The following NECAB2 variants were observed in gnomAD, a reference collection of about 807,000 sequenced individuals.
The protein encoded by NECAB2 is N-terminal EF-hand calcium-binding protein 2.
Under a neutral mutation model 51.9 loss-of-function variants are expected in NECAB2, and 68 were observed. The observed-to-expected ratio is 1.31, with a 90% CI of 1.08 to 1.60. The LOEUF (loss-of-function observed/expected upper bound fraction) is 1.60, where lower values mean the gene tolerates loss of function less well. NECAB2 is among the 40% of genes most tolerant of loss of function. The pLI, the probability that NECAB2 is intolerant of heterozygous loss-of-function variation, is 0.00. For missense variants in NECAB2, 854 were observed against 490.3 expected, an observed-to-expected ratio of 1.74 and a Z score of -7.00; for synonymous variants, 329 against 203.5, an observed-to-expected ratio of 1.62 and a Z score of -5.25.
intron 5 of NECAB2, among the ~76,000 whole-genome samples, chr16:83,987,414 T>C (rs573828315): frequency 6.6e-6 from 1 of 152,346 alleles, no homozygotes; most frequent in South Asian, 2.1e-4. Context: ...ATATAGACTT[T>C]TGTTACAGTA....
At chr16:83,986,533 G>C (rs1215528678) in intron 5 of NECAB2, among the ~76,000 whole-genome samples, 3 of 152,120 alleles carry the variant, frequency 2.0e-5, no homozygotes, top group Non-Finnish European at 1.5e-5. Flanking sequence ...AAGAGATAAA[G>C]ACGGGGTCTT....
At position 83,968,438 on chromosome 16, in the gene NECAB2, G is replaced by A. The variant is rs1040994820; in HGVS notation, c.-211G>A. ...CCTCAGGCCCCGCGCCCGGCCGGCG[G>A]GGGTGGGGGCGGCGGGGAGCGGGCA... On this transcript the variant is annotated 5_prime_UTR_variant, in exon 1 of 13. Transcript: ENST00000305202. Among the ~76,000 whole-genome samples the A allele has an allele frequency of 6.8e-6, 1 of 147,422 alleles. No individual in the cohort carries two copies. Among genetic ancestry groups the A allele is most frequent in the African/African-American group, 2.4e-5 (1 of 40,848 alleles).
intron 10 of NECAB2, among the ~76,000 whole-genome samples, 173 bp downstream of exon 10, chr16:83,998,490 A>T (rs890379639): frequency 1.3e-5 from 2 of 152,174 alleles, no homozygotes; most frequent in South Asian, 4.1e-4. Context: ...CCTCCCAGCC[A>T]AGCAAATGTG....
Position 83,998,317 on chromosome 16 carries a change from A to C in NECAB2, c.962A>C (p.His321Pro). 4.3e-6 allele frequency: 7 copies of C among 1,613,256 alleles called. No individual in the cohort carries two copies. Among genetic ancestry groups the C allele is most frequent in the Non-Finnish European group, 5.9e-6 (7 of 1,179,884 alleles). ...ACCACTGGCGTGAGGAACTGCTTCC[A>C]GTGAGTGAGCTGCCGAGGCGTGGGT... The part of the protein sequence containing the change: ...RGTTGVRNCF[H>P]ITAVRLSDGF... Residue 321 changes from histidine to proline, a missense_variant and splice_region_variant, in exon 10 of 13, where the codon CAC becomes CCC. Coordinates refer to ENST00000305202, the MANE Select transcript of NECAB2 (RefSeq NM_019065.3).
chr16:83,996,547 G>C (rs913578186), intron 8 of NECAB2, among the ~76,000 whole-genome samples: 3 of 152,150 alleles, frequency 2.0e-5, no homozygotes, highest in African/African-American at 7.2e-5. Flanking sequence ...CACAGAGGTG[G>C]TTAGTGGGGT....
rs542133378 is a variant in NECAB2, at chr16:84,001,893, C to A, written c.1109C>A (p.Ala370Asp). 2.0e-5 allele frequency: 32 copies of A among 1,614,034 alleles called. 2 individuals carry two copies. In the South Asian group the frequency reaches 3.4e-4, roughly 17 times the overall value. ...GTGGACACACTGAGCCAGCCTGAGG[C>A]CCTCTCCAGGATCTTGGTGCCAGGT... Reference protein sequence around the residue: ...VKVDTLSQPEALSRILVPAAW... With the variant: ...VKVDTLSQPEDLSRILVPAAW... The change falls in exon 12 of 13, where the codon GCC becomes GAC. Residue 370 changes from alanine (A) to aspartate (D), a missense_variant. Ala to Asp is a moderately radical substitution (Grantham distance 126, BLOSUM62 -2). Transcript: ENST00000305202.
chr16:83,988,202 A>C (rs893531024), intron 5 of NECAB2, among the ~76,000 whole-genome samples: 17 of 151,924 alleles, frequency 1.1e-4, no homozygotes, highest in African/African-American at 3.6e-4. Flanking sequence ...CTTTTTTATT[A>C]TGATTGCTTT....
At chr16:83,978,844 T>A (rs2084449624) in intron 3 of NECAB2, among the ~76,000 whole-genome samples, 1 of 152,044 alleles carries the variant, frequency 6.6e-6, no homozygotes, top group African/African-American at 2.4e-5. Context: ...AAGGTGGCAA[T>A]GACTTCATCC....
intron 5 of NECAB2, 30 bp downstream of exon 5, chr16:83,981,157 C>T (rs2084484610): frequency 6.3e-7 from 1 of 1,577,684 alleles, no homozygotes; most frequent in Non-Finnish European, 8.7e-7. Flanking sequence ...CCCCGGGGTC[C>T]AGGGCTCCAG....
At chr16:83,989,531 A>C (rs28374426) in intron 5 of NECAB2, among the ~76,000 whole-genome samples, 13,439 of 152,152 alleles carry the variant, frequency 0.088, 1,519 homozygotes, top group African/African-American at 0.27. Context: ...GACTGGGCAG[A>C]AATCCAAGGT....
Position 84,001,853 on chromosome 16 carries a change from T to C in NECAB2, c.1069T>C (p.Phe357Leu), listed in dbSNP as rs376976120. The C allele has an allele frequency of 3.7e-6, 6 of 1,614,006 alleles. No homozygotes were observed. The African/African-American group carries it at 6.7e-5, about 18-fold the overall frequency. ...CCTGCAGAGCCCCCTGTGTAAGGCG[T>C]TCCGGCACGTCAAGGTGGACACACT... ...RHLQSPLCKA[F>L]RHVKVDTLSQ... Residue 357 changes from phenylalanine (F) to leucine (L), a missense_variant, in exon 12 of 13, where the codon TTC becomes CTC. Phe to Leu is a conservative substitution (Grantham distance 22). Coordinates refer to ENST00000305202, the MANE Select transcript of NECAB2 (RefSeq NM_019065.3).
At position 83,994,603 on chromosome 16, in the gene NECAB2, C is replaced by T. The variant is rs774358408; in HGVS notation, c.716-6C>T. 1.9e-6 allele frequency: 3 copies of T among 1,614,088 alleles called. No individual in the cohort carries two copies. Among genetic ancestry groups the T allele is most frequent in the Non-Finnish European group, 2.5e-6 (3 of 1,180,008 alleles). ...TGAAGTCTGTGTGTCTCTTTCTCTA[C>T]CGCAGCCACGGAGGATGCAAAGGAA... On this transcript the variant is annotated splice_polypyrimidine_tract_variant and splice_region_variant and intron_variant, in intron 7 of 12. Transcript: ENST00000305202.
chr16:83,981,021 C>T lies in NECAB2; in HGVS notation c.362-9C>T, dbSNP rs372209044. The T allele has an allele frequency of 2.4e-5, 38 of 1,613,754 alleles. No homozygotes were observed. The highest frequency in any genetic ancestry group is 2.5e-5 in the Non-Finnish European group (30 of 1,179,762). The stretch of plus-strand genomic sequence containing the variant: ...CTGTGACCCCTGACCTTTGCCTTTC[C>T]TTCCCCAGATTACTTTGTGGACCAC... On this transcript the variant is annotated splice_polypyrimidine_tract_variant and intron_variant, in intron 4 of 12. Transcript: ENST00000305202.
chr16:84,001,278 C>G (rs1005818602), intron 11 of NECAB2, among the ~76,000 whole-genome samples: 3 of 146,346 alleles, frequency 2.0e-5, no homozygotes, highest in Non-Finnish European at 4.4e-5. Flanking sequence ...CAGCACACAT[C>G]TGGGAGAGGG....
chr16:83,999,613 G>C (rs377211560), intron 10 of NECAB2, among the ~76,000 whole-genome samples: 1 of 152,064 alleles, frequency 6.6e-6, no homozygotes, highest in Non-Finnish European at 1.5e-5. Flanking sequence ...TGGTCACTTG[G>C]GGCTTCCTCA....
At position 83,994,230 on chromosome 16, in the gene NECAB2, G is replaced by T. The variant is rs61456450; in HGVS notation, c.597-72G>T. 8,838 of 1,348,998 alleles carry T rather than the reference G, an allele frequency of 6.6e-3. 450 individuals are homozygous for T. In the African/African-American group the frequency reaches 0.11, roughly 17 times the overall value. 83.6% of individuals were successfully genotyped at this position (1,348,998 alleles called of 1,614,324 possible). A position where few individuals can be genotyped will look rare whatever the true frequency, so the allele number is the denominator to read the frequency against. ...ACTGTCTTGCGTAATAAATGCCTGT[G>T]GAAGATGCTGGAAGTGGTAAGGGCC... is the stretch of plus-strand genomic sequence containing the variant. On this transcript the variant is annotated intron_variant, in intron 6 of 12. Transcript: ENST00000305202.
intron 1 of NECAB2, among the ~76,000 whole-genome samples, chr16:83,970,540 C>T (rs73246938): frequency 0.034 from 5,123 of 152,206 alleles, 142 homozygotes; most frequent in African/African-American, 0.073. Context: ...CCAAGGGTGC[C>T]CCCTTTCTCG....
At chr16:83,980,143 T>C (rs528635156) in intron 3 of NECAB2, among the ~76,000 whole-genome samples, 1 of 152,346 alleles carries the variant, frequency 6.6e-6, no homozygotes, top group South Asian at 2.1e-4. Flanking sequence ...ACCACCGTAT[T>C]GGGTCCCTTG....
chr16:83,978,381 C>A, intron 2 of NECAB2, 63 bp from the exon 3 acceptor site: 1 of 1,357,878 alleles, frequency 7.4e-7, no homozygotes. Context: ...GCCGTGCATG[C>A]ACTAGCCCCA....
Sources: gnomAD v4.1 joint callset for allele counts (sites outside exome capture counted in the v4.1 genomes callset) on GRCh38, gnomAD v4.1.1 for gene constraint, MANE v1.5 for transcripts, NCBI Gene and HGNC (gene_info 2026-07-23, HGNC 2026-07-21) for gene names.